DPY19L3: variants seen among roughly 807,000 people sequenced by gnomAD.
DPY19L3 encodes the protein protein C-mannosyl-transferase DPY19L3.
Under a neutral mutation model 92.3 loss-of-function variants are expected in DPY19L3, and 51 were observed. That is an observed-to-expected ratio of 0.55 (90% CI 0.44 to 0.70). The LOEUF (loss-of-function observed/expected upper bound fraction) is 0.70, where lower values mean the gene tolerates loss of function less well. DPY19L3 is among the 30% of genes least tolerant of loss of function. The pLI is 0.00. For synonymous variants in DPY19L3, 309 were observed against 315.2 expected (o/e 0.98, Z 0.21); for missense variants, 706 against 855.9 (o/e 0.82, Z 2.18).
In DPY19L3 at chr19:32,408,091, G is replaced by GAAAAAA; in HGVS notation, c.-37-122_-37-117dup. 4 of 586,710 alleles carry GAAAAAA rather than the reference G, an allele frequency of 6.8e-6. No homozygotes were observed. In the South Asian group the frequency reaches 8.7e-5, roughly 13 times the overall value. The allele number at this position is 586,710 out of a possible 1,614,324, so 36.3% of individuals were successfully genotyped here. ...CAGTGAGACCCTGTCTTGGGGGGAA[G>GAAAAAA]AAAAAAAAAGGGAGGGCATGCTAAT... On this transcript the variant is annotated intron_variant, in intron 1 of 18. Transcript: ENST00000392250.
rs79614333 is a variant in DPY19L3, at chr19:32,453,292, T to G, written c.987+16T>G. On this transcript the variant is annotated intron_variant, in intron 9 of 18. Transcript: ENST00000392250. ...AAAACTTCAGGTAGGACTTTTTTTTTGTCCTTTATCAAAGTAAACTTTTTT... is the reference window on the plus strand; with the variant it reads ...AAAACTTCAGGTAGGACTTTTTTTTGGTCCTTTATCAAAGTAAACTTTTTT... 6.3e-7 allele frequency: 1 copy of G among 1,592,066 alleles called. No homozygotes were observed. Among genetic ancestry groups the G allele is most frequent in the Non-Finnish European group, 8.5e-7 (1 of 1,173,630 alleles).
rs563918115 is a variant in DPY19L3, at chr19:32,461,330, A to G, written c.1323-2036A>G. Among the ~76,000 whole-genome samples, 16 of 152,348 alleles carry G rather than the reference A, an allele frequency of 1.1e-4. No homozygotes were observed. The South Asian group carries it at 3.3e-3, about 32-fold the overall frequency. On this transcript the variant is annotated intron_variant, in intron 12 of 18. Coordinates refer to ENST00000392250, the MANE Select transcript of DPY19L3 (RefSeq NM_001172774.2). Reference sequence around the variant, plus strand: ...TTATGTAGACATCTGCATTAGTGTGAGGGGTACATCTGAAAGGGGCATGGT... The same window carrying G: ...TTATGTAGACATCTGCATTAGTGTGGGGGGTACATCTGAAAGGGGCATGGT...
At chr19:32,476,550 A>G (rs1005579526) in intron 16 of DPY19L3, among the ~76,000 whole-genome samples, 5 of 144,734 alleles carry the variant, frequency 3.5e-5, no homozygotes, top group Non-Finnish European at 7.6e-5. Flanking sequence ...AAAAAAAAAG[A>G]GGAAAGGAAT....
chr19:32,429,747 G>A (rs532323408), intron 3 of DPY19L3, among the ~76,000 whole-genome samples: 1 of 152,120 alleles, frequency 6.6e-6, no homozygotes, highest in Admixed American at 6.6e-5. Context: ...ACACTTTAAG[G>A]AAGCTAGAGA....
At chr19:32,417,902 A>G (rs141813911) in intron 3 of DPY19L3, among the ~76,000 whole-genome samples, 2 of 152,322 alleles carry the variant, frequency 1.3e-5, no homozygotes, top group African/African-American at 2.4e-5. Context: ...GCAGGGAACA[A>G]TGAGCTCAGG....
At chr19:32,429,387 GTGAAGCAGATGTTCTCTTAGCA>G (rs959100627) in intron 3 of DPY19L3, among the ~76,000 whole-genome samples, 1 of 152,242 alleles carries the variant, frequency 6.6e-6, no homozygotes. Flanking sequence ...GTTTGAATGA[GTGAAGCAGATGTTCTCTTAGCA>G]TGAAGCAGAT....
At chr19:32,414,305 C>T (rs752328454) in intron 3 of DPY19L3, among the ~76,000 whole-genome samples, 7 of 151,910 alleles carry the variant, frequency 4.6e-5, no homozygotes, top group Admixed American at 3.3e-4. Flanking sequence ...CCTGTAGTCC[C>T]AGCTACTCGG....
At chr19:32,467,483 T>G in intron 15 of DPY19L3, 1 of 987,550 alleles carries the variant, frequency 1.0e-6, no homozygotes, top group South Asian at 4.7e-5. Flanking sequence ...GAACCAGAAG[T>G]CCTGACACCT....
intron 15 of DPY19L3, chr19:32,468,067 A>G (rs1243581354): frequency 1.2e-5 from 12 of 984,960 alleles, no homozygotes; most frequent in Non-Finnish European, 1.3e-5. Context: ...CAAAAATACA[A>G]TCATGCTATT....
At chr19:32,473,006 A>G (rs935085095) in intron 16 of DPY19L3, among the ~76,000 whole-genome samples, 2 of 152,232 alleles carry the variant, frequency 1.3e-5, no homozygotes, top group African/African-American at 4.8e-5. Flanking sequence ...TAGTATTTGC[A>G]TAATTCTATA....
intron 16 of DPY19L3, among the ~76,000 whole-genome samples, chr19:32,472,711 T>C (rs1970395220): frequency 6.6e-6 from 1 of 152,170 alleles, no homozygotes; most frequent in African/African-American, 2.4e-5. Flanking sequence ...TTCCTGAAAA[T>C]TTTCTTCTGA....
chr19:32,417,420 A>G (rs1968416245), intron 3 of DPY19L3, among the ~76,000 whole-genome samples: 1 of 152,202 alleles, frequency 6.6e-6, no homozygotes, highest in African/African-American at 2.4e-5. Flanking sequence ...CCTGAGTTCA[A>G]GCAATTCTCC....
At chr19:32,471,207 G>A (rs929188903) in intron 16 of DPY19L3, among the ~76,000 whole-genome samples, 1 of 152,158 alleles carries the variant, frequency 6.6e-6, no homozygotes, top group Non-Finnish European at 1.5e-5. Context: ...AAAAGGCTGC[G>A]GCCTAAGGAC....
At chr19:32,475,979 T>C (rs1049444113) in intron 16 of DPY19L3, among the ~76,000 whole-genome samples, 1 of 152,232 alleles carries the variant, frequency 6.6e-6, no homozygotes, top group African/African-American at 2.4e-5. Flanking sequence ...CAGCCACTTT[T>C]TTTCCTCACT....
At chr19:32,468,452 G>A (rs1970260261) in intron 15 of DPY19L3, 1 of 1,097,976 alleles carries the variant, frequency 9.1e-7, no homozygotes. Flanking sequence ...ACATACAATA[G>A]CATTTCTATT....
At chr19:32,455,335 A>G (rs1056460902) in intron 10 of DPY19L3, among the ~76,000 whole-genome samples, 1 of 152,186 alleles carries the variant, frequency 6.6e-6, no homozygotes, top group Non-Finnish European at 1.5e-5. Flanking sequence ...TACCAGTTTT[A>G]CTTCAAACAG....
intron 10 of DPY19L3, among the ~76,000 whole-genome samples, chr19:32,456,017 G>A (rs919955199): frequency 1.4e-4 from 21 of 150,104 alleles, no homozygotes; most frequent in African/African-American, 4.7e-4. Context: ...CCTTGTTCAC[G>A]TCTGTTGACT....
chr19:32,465,350 C>G lies in DPY19L3; in HGVS notation c.1614+566C>G, dbSNP rs1157259287. Among the ~76,000 whole-genome samples the G allele has an allele frequency of 2.0e-5, 3 of 152,272 alleles. No individual in the cohort carries two copies. In the East Asian group the frequency reaches 5.8e-4, roughly 29 times the overall value. ...CCCTTTAATTCAGAGAATTTCTTAT[C>G]AGAGACAATGATCATTGGTCAGGTT... On this transcript the variant is annotated intron_variant, in intron 15 of 18. Transcript: ENST00000392250.
chr19:32,405,944 G>A (rs1475216681), intron 1 of DPY19L3, 35 bp downstream of exon 1: 3 of 151,558 alleles, frequency 2.0e-5, no homozygotes, highest in Non-Finnish European at 2.9e-5. Context: ...GCGGGCGAGG[G>A]TCTACCGAGA....
Sources: allele counts gnomAD v4.1 joint callset (sites outside exome capture counted in the v4.1 genomes callset), GRCh38; gene constraint gnomAD v4.1.1; transcripts MANE v1.5; gene names NCBI Gene and HGNC (gene_info 2026-07-23, HGNC 2026-07-21).